Variants in GRIA1 observed in about 807,000 individuals in gnomAD.
GRIA1 encodes glutamate receptor 1.
In GRIA1, 31 loss-of-function variants were observed where a neutral mutation model predicts 99.2. The observed-to-expected ratio is 0.31, with a 90% CI of 0.23 to 0.42. The LOEUF is 0.42. Ranked by LOEUF, GRIA1 falls within the 10% of genes least tolerant of loss-of-function variation. The pLI, the probability that GRIA1 is intolerant of heterozygous loss-of-function variation, is 1.00. For synonymous variants in GRIA1, 438 were observed against 432.4 expected, an observed-to-expected ratio of 1.01 and a Z score of -0.16; for missense variants, 782 against 1,157.5, an observed-to-expected ratio of 0.68 and a Z score of 4.71.
chr5:153,647,073 C>T lies in GRIA1; in HGVS notation c.366C>T (p.Val122=), dbSNP rs1353616931. The stretch of plus-strand genomic sequence containing the variant: ...CCGTTGATACATCCAATCAGTTTGT[C>T]CTTCAGCTGCGCCCTGAACTGCAGG... The part of the protein sequence containing the change: ...SFPVDTSNQF[V]LQLRPELQDA... Residue 122 remains valine, a synonymous_variant, in exon 3 of 16, where the codon GTC becomes GTT. Coordinates refer to ENST00000285900, the MANE Select transcript of GRIA1 (RefSeq NM_000827.4). The T allele has an allele frequency of 1.9e-6, 3 of 1,613,918 alleles. No individual in the cohort carries two copies. The highest frequency in any genetic ancestry group is 1.1e-5 in the South Asian group (1 of 91,062).
intron 10 of GRIA1, among the ~76,000 whole-genome samples, chr5:153,702,169 G>A (rs568369824): frequency 9.9e-5 from 15 of 152,174 alleles, no homozygotes; most frequent in Non-Finnish European, 1.3e-4. Context: ...AATGCTAGGC[G>A]GTAAAACCAA....
chr5:153,669,570 A>G (rs1755999436), intron 5 of GRIA1, among the ~76,000 whole-genome samples: 1 of 152,228 alleles, frequency 6.6e-6, no homozygotes, highest in African/African-American at 2.4e-5. Flanking sequence ...GATGATATCT[A>G]AGATACATTA....
intron 15 of GRIA1, among the ~76,000 whole-genome samples, chr5:153,805,284 G>T (rs1206407138): frequency 6.6e-6 from 1 of 152,086 alleles, no homozygotes; most frequent in African/African-American, 2.4e-5. Flanking sequence ...ATTTACATGA[G>T]CTAGGGTTCT....
intron 11 of GRIA1, among the ~76,000 whole-genome samples, chr5:153,749,802 C>A (rs1018520241): frequency 1.3e-5 from 2 of 151,680 alleles, no homozygotes; most frequent in Non-Finnish European, 2.9e-5. Flanking sequence ...CATTTTTTTG[C>A]AAACTGCCCA....
At chr5:153,612,251 T>C (rs7703304) in intron 2 of GRIA1, among the ~76,000 whole-genome samples, 35,163 of 152,176 alleles carry the variant, frequency 0.23, 4,511 homozygotes, top group Non-Finnish European at 0.3. Context: ...AGAGAGTGCC[T>C]ATAATGAGAA....
At chr5:153,522,298 G>A (rs1200766086) in intron 2 of GRIA1, among the ~76,000 whole-genome samples, 1 of 152,170 alleles carries the variant, frequency 6.6e-6, no homozygotes, top group East Asian at 1.9e-4. Context: ...CTGTATCATG[G>A]CATGTAAAGT....
At chr5:153,637,961 A>G (rs993703077) in intron 2 of GRIA1, among the ~76,000 whole-genome samples, 4 of 152,228 alleles carry the variant, frequency 2.6e-5, no homozygotes, top group African/African-American at 9.6e-5. Flanking sequence ...GTGGGCTTAA[A>G]TCTCAATTGC....
chr5:153,741,941 A>AT (rs1761826758), intron 11 of GRIA1, among the ~76,000 whole-genome samples: 1 of 128,194 alleles, frequency 7.8e-6, no homozygotes, highest in Admixed American at 8.1e-5. Context: ...TTTTAAAAAA[A>AT]AAAAAAAAAG....
chr5:153,719,971 A>G (rs1759940602), intron 11 of GRIA1, among the ~76,000 whole-genome samples: 1 of 152,240 alleles, frequency 6.6e-6, no homozygotes, highest in Non-Finnish European at 1.5e-5. Context: ...TGGCATTTAT[A>G]GTCAGTGATT....
At chr5:153,595,707 T>C (rs1207276517) in intron 2 of GRIA1, among the ~76,000 whole-genome samples, 1 of 149,214 alleles carries the variant, frequency 6.7e-6, no homozygotes, top group African/African-American at 2.4e-5. Context: ...ATTGTAAACC[T>C]TTATCTAAAA....
intron 2 of GRIA1, among the ~76,000 whole-genome samples, chr5:153,515,330 A>G (rs1756508670): frequency 6.6e-6 from 1 of 152,244 alleles, no homozygotes; most frequent in South Asian, 2.1e-4. Flanking sequence ...CTGTGACAAC[A>G]TGAATATAAC....
At chr5:153,618,073 T>A (rs1049049060) in intron 2 of GRIA1, among the ~76,000 whole-genome samples, 2 of 152,224 alleles carry the variant, frequency 1.3e-5, no homozygotes, top group African/African-American at 4.8e-5. Flanking sequence ...CTGGTTTTCT[T>A]CCCAGAGGTA....
intron 7 of GRIA1, 49 bp from the exon 8 acceptor site, chr5:153,686,176 C>T: frequency 7.5e-7 from 1 of 1,324,730 alleles, no homozygotes; most frequent in African/African-American, 1.4e-5. Context: ...AGCAAACACA[C>T]ATAAAGTACA....
At chr5:153,494,211 G>C in intron 2 of GRIA1, 146 bp downstream of exon 2, 1 of 739,158 alleles carries the variant, frequency 1.4e-6, no homozygotes, top group South Asian at 1.9e-5. Context: ...ATTTCTAGAG[G>C]CTTCTGAGTG....
chr5:153,558,756 G>T (rs1172778744), intron 2 of GRIA1, among the ~76,000 whole-genome samples: 2 of 152,056 alleles, frequency 1.3e-5, no homozygotes, highest in African/African-American at 2.4e-5. Context: ...AAATATTATG[G>T]GGAGTGGGCT....
intron 1 of GRIA1, among the ~76,000 whole-genome samples, chr5:153,492,787 C>CA (rs397716942): frequency 0.17 from 24,652 of 146,750 alleles, 3,039 homozygotes; most frequent in East Asian, 0.61. Flanking sequence ...CTACTGTTTT[C>CA]AAAAAAAAAA....
At chr5:153,802,675 G>A (rs1332963043) in intron 15 of GRIA1, among the ~76,000 whole-genome samples, 185 bp downstream of exon 15, 1 of 152,134 alleles carries the variant, frequency 6.6e-6, no homozygotes, top group Non-Finnish European at 1.5e-5. Context: ...GAAGGAAGAT[G>A]GGGTGTGTCA....
chr5:153,495,377 A>G (rs776249897), intron 2 of GRIA1, among the ~76,000 whole-genome samples: 21 of 152,190 alleles, frequency 1.4e-4, no homozygotes, highest in Admixed American at 3.3e-4. Flanking sequence ...TGAGGCTACA[A>G]CAGATTATAT....
At chr5:153,651,399 C>G (rs1338724597) in intron 4 of GRIA1, among the ~76,000 whole-genome samples, 5 of 151,888 alleles carry the variant, frequency 3.3e-5, no homozygotes, top group Admixed American at 3.3e-4. Flanking sequence ...ACTGTGCTTC[C>G]CCTGGTCTCA....
Sources: gnomAD v4.1 joint callset for allele counts (sites outside exome capture counted in the v4.1 genomes callset) on GRCh38, gnomAD v4.1.1 for gene constraint, MANE v1.5 for transcripts, NCBI Gene and HGNC (gene_info 2026-07-23, HGNC 2026-07-21) for gene names.